The following MSL2 variants were observed in gnomAD, a reference collection of about 807,000 sequenced individuals.
MSL2 encodes the protein MSL complex subunit 2, also known as E3 ubiquitin-protein ligase MSL2.
Under a neutral mutation model 35.8 loss-of-function variants are expected in MSL2, and 2 were observed. The ratio of observed to expected loss-of-function variants is 0.06; its 90% confidence interval spans 0.02 to 0.18. The LOEUF (loss-of-function observed/expected upper bound fraction) is 0.18, where lower values mean the gene tolerates loss of function less well. Ranked by LOEUF, MSL2 falls within the 10% of genes least tolerant of loss-of-function variation. The pLI, the probability that MSL2 is intolerant of heterozygous loss-of-function variation, is 1.00. For missense variants in MSL2, 523 were observed against 706.7 expected (o/e 0.74, Z 2.95); for synonymous variants, 296 against 255.7 (o/e 1.16, Z -1.50).
At chr3:136,193,369 G>A (rs1213737310) in intron 1 of MSL2, among the ~76,000 whole-genome samples, 1 of 151,910 alleles carries the variant, frequency 6.6e-6, no homozygotes, top group East Asian at 1.9e-4. Flanking sequence ...GTAAACAGGG[G>A]ACCTACCAGA....
In MSL2 at chr3:136,151,672, T is replaced by C. The variant is rs775343435; in HGVS notation, c.1209A>G (p.Leu403=). 6.2e-7 allele frequency: 1 copy of C among 1,614,194 alleles called. No homozygotes were observed. The highest frequency in any genetic ancestry group is 1.3e-5 in the African/African-American group (1 of 75,054). ...GACTCTTTTTCATGCTTTTAGTAGATAAAAGTACAGTTTTGCTGATTTTAG... is the reference window on the plus strand; with the variant it reads ...GACTCTTTTTCATGCTTTTAGTAGACAAAAGTACAGTTTTGCTGATTTTAG... ...TTPKISKTVL[L]STKSMKKSHE... Residue 403 remains leucine (L), a synonymous_variant, in exon 2 of 2, where the codon TTA becomes TTG. Coordinates refer to ENST00000309993, the MANE Select transcript of MSL2 (RefSeq NM_018133.4). The surrounding 1 kb of genome is among the most constrained non-coding windows in gnomAD (Gnocchi z 5.2).
chr3:136,163,403 G>A (rs541708118), intron 1 of MSL2, among the ~76,000 whole-genome samples: 1 of 152,212 alleles, frequency 6.6e-6, no homozygotes, highest in Non-Finnish European at 1.5e-5. Flanking sequence ...CCACTGAAGA[G>A]GCCTGGAAAC....
At chr3:136,194,747 T>C (rs988024459) in intron 1 of MSL2, among the ~76,000 whole-genome samples, 9 of 151,888 alleles carry the variant, frequency 5.9e-5, no homozygotes, top group East Asian at 1.9e-4. Context: ...TTAAACCATT[T>C]TGAACGTTAA....
chr3:136,175,945 T>C (rs1940160190), intron 1 of MSL2, among the ~76,000 whole-genome samples: 1 of 152,124 alleles, frequency 6.6e-6, no homozygotes, highest in Non-Finnish European at 1.5e-5. Context: ...AAACCTTTTT[T>C]AAATCTCTGA....
At chr3:136,176,515 CAAAAAAAAAAAA>C (rs771021498) in intron 1 of MSL2, among the ~76,000 whole-genome samples, 5 of 54,154 alleles carry the variant, frequency 9.2e-5, no homozygotes, top group African/African-American at 3.2e-4. Context: ...GACCCTCTCT[CAAAAAAAAAAAA>C]AAAAAAAAAA....
At position 136,194,470 on chromosome 3, in the gene MSL2, GAGGA is replaced by G. The variant is rs1269926248; in HGVS notation, c.142+498_142+501del. Reference sequence around the variant, plus strand: ...CCGTCAAACCGTCAAAGCATTTGTGGAGGAACCTGGGGCAAAGTTCCGCGCCGGG... The same window carrying G: ...CCGTCAAACCGTCAAAGCATTTGTGGACCTGGGGCAAAGTTCCGCGCCGGG... On this transcript the variant is annotated intron_variant, in intron 1 of 1. Transcript: ENST00000309993. 3.0e-6 allele frequency: 3 copies of G among 985,750 alleles called. No individual in the cohort carries two copies. The African/African-American group carries it at 5.2e-5, about 17-fold the overall frequency. 61.1% of individuals were successfully genotyped at this position (985,750 alleles called of 1,614,324 possible).
chr3:136,179,531 G>A (rs906805333), intron 1 of MSL2, among the ~76,000 whole-genome samples: 3 of 152,126 alleles, frequency 2.0e-5, no homozygotes, highest in Non-Finnish European at 4.4e-5. Flanking sequence ...ACCAGGATAA[G>A]GAATCACTAA....
At position 136,150,890 on chromosome 3, in the gene MSL2, T is replaced by C. The variant is rs1315398856; in HGVS notation, c.*257A>G. 1.4e-5 allele frequency: 6 copies of C among 420,222 alleles called. No homozygotes were observed. The highest frequency in any genetic ancestry group is 1.9e-5 in the African/African-American group (1 of 51,306). The allele number at this position is 420,222 out of a possible 1,614,324, so 26.0% of individuals were successfully genotyped here. ...TGTTATTTTTCTTGCCAAAGTTCAT[T>C]TTGTATAAATCAGTTGCATCAGCTT... is the stretch of plus-strand genomic sequence containing the variant. On this transcript the variant is annotated 3_prime_UTR_variant, in exon 2 of 2. Transcript: ENST00000309993.
In MSL2 at chr3:136,194,627, T is replaced by C. The variant is rs141423539; in HGVS notation, c.142+345A>G. 866 of 280,110 alleles carry C rather than the reference T, an allele frequency of 3.1e-3. 4 individuals carry two copies. The highest frequency in any genetic ancestry group is 4.7e-3 in the Admixed American group (74 of 15,824). The allele number at this position is 280,110 out of a possible 1,614,324, so 17.4% of individuals were successfully genotyped here. ...CATGTTTAACCACTTTTAACCGCCGTAGGTACGTAATCAGCTCCCGCGGCA... is the reference window on the plus strand; with the variant it reads ...CATGTTTAACCACTTTTAACCGCCGCAGGTACGTAATCAGCTCCCGCGGCA... On this transcript the variant is annotated intron_variant, in intron 1 of 1. Coordinates refer to ENST00000309993, the MANE Select transcript of MSL2 (RefSeq NM_018133.4).
intron 1 of MSL2, among the ~76,000 whole-genome samples, chr3:136,166,713 G>A (rs888194478): frequency 4.6e-5 from 7 of 152,174 alleles, no homozygotes; most frequent in East Asian, 1.9e-4. Context: ...TAAATAAACC[G>A]TAACTAAGTC....
Position 136,159,676 on chromosome 3 carries a change from A to AT in MSL2, c.143-6939_143-6938insA, listed in dbSNP as rs374948195. Among the ~76,000 whole-genome samples the AT allele has an allele frequency of 1.3e-3, 196 of 151,998 alleles. 1 individual carries two copies. Among genetic ancestry groups the AT allele is most frequent in the African/African-American group, 4.4e-3 (181 of 41,500 alleles). On this transcript the variant is annotated intron_variant, in intron 1 of 1. Transcript: ENST00000309993. ...TGAGCCACCACGCCTGGCCAAGGAG[A>AT]GTATTTTCAACATACCATGTGAAAC...
intron 1 of MSL2, among the ~76,000 whole-genome samples, chr3:136,191,058 G>C (rs370609758): frequency 6.6e-6 from 1 of 152,192 alleles, no homozygotes; most frequent in Admixed American, 6.5e-5. Context: ...TAATTGACCT[G>C]ATAGTTTAGT....
chr3:136,187,733 C>T (rs1940563146), intron 1 of MSL2, among the ~76,000 whole-genome samples: 2 of 151,844 alleles, frequency 1.3e-5, no homozygotes, highest in Non-Finnish European at 2.9e-5. Flanking sequence ...TCAGTTGTAT[C>T]ACTATCCTAC....
intron 1 of MSL2, among the ~76,000 whole-genome samples, chr3:136,187,669 CAA>C: frequency 7.3e-6 from 1 of 137,186 alleles, no homozygotes; most frequent in African/African-American, 2.7e-5. Flanking sequence ...GACTCCGTCT[CAA>C]AAAAAAAAAA....
At chr3:136,166,455 AT>A (rs1276357077) in intron 1 of MSL2, among the ~76,000 whole-genome samples, 11 of 152,200 alleles carry the variant, frequency 7.2e-5, no homozygotes, top group African/African-American at 2.6e-4. Context: ...AAAAAAAAAA[AT>A]TTGTTAAGTA....
At chr3:136,175,702 CAA>C in intron 1 of MSL2, among the ~76,000 whole-genome samples, 1 of 152,158 alleles carries the variant, frequency 6.6e-6, no homozygotes, top group African/African-American at 2.4e-5. Context: ...ACAACAACAA[CAA>C]GTCTGAGATA....
At chr3:136,192,916 CTA>C (rs1018157182) in intron 1 of MSL2, among the ~76,000 whole-genome samples, 22 of 152,004 alleles carry the variant, frequency 1.4e-4, no homozygotes, top group Admixed American at 5.2e-4. Flanking sequence ...GATTTTTTTT[CTA>C]TGTCTTTATA....
chr3:136,186,207 T>A (rs1437193854), intron 1 of MSL2, among the ~76,000 whole-genome samples: 1 of 152,224 alleles, frequency 6.6e-6, no homozygotes, highest in Non-Finnish European at 1.5e-5. Flanking sequence ...CATATGTCTG[T>A]GTCAAACTGC....
At chr3:136,171,675 GCTC>G (rs1383988654) in intron 1 of MSL2, among the ~76,000 whole-genome samples, 1 of 152,126 alleles carries the variant, frequency 6.6e-6, no homozygotes, top group Non-Finnish European at 1.5e-5. Context: ...TTAATAGTGT[GCTC>G]CTAAGTGATT....
Sources: gnomAD v4.1 joint callset for allele counts (sites outside exome capture counted in the v4.1 genomes callset) on GRCh38, gnomAD v4.1.1 for gene constraint, Gnocchi (gnomAD v3.1) non-coding constraint, MANE v1.5 for transcripts, NCBI Gene and HGNC (gene_info 2026-07-23, HGNC 2026-07-21) for gene names.